RP1: variants seen among roughly 807,000 people sequenced by gnomAD.
RP1 encodes the protein RP1 axonemal microtubule associated, also known as oxygen-regulated protein 1.
Under a neutral mutation model 14.8 loss-of-function variants are expected in RP1, and 16 were observed. That is an observed-to-expected ratio of 1.08 (90% confidence interval 0.73 to 1.65). The LOEUF is 1.65. RP1 is among the 40% of genes most tolerant of loss of function. RP1 has a pLI of 0.00. For missense variants in RP1, 2,631 were observed against 2,535.0 expected, an observed-to-expected ratio of 1.04 and a Z score of -0.81; for synonymous variants, 876 against 883.6, an observed-to-expected ratio of 0.99 and a Z score of 0.15.
At chr8:54,574,345 C>T (rs926276021) in intron 1 of RP1, among the ~76,000 whole-genome samples, 1 of 152,222 alleles carries the variant, frequency 6.6e-6, no homozygotes, top group African/African-American at 2.4e-5. Context: ...AAGCCCATTC[C>T]ACGCATGGCT....
At chr8:54,662,628 C>T (rs1806926864) in intron 6 of RP1, among the ~76,000 whole-genome samples, 2 of 152,156 alleles carry the variant, frequency 1.3e-5, no homozygotes, top group Non-Finnish European at 2.9e-5. Context: ...CCCTTTCCTG[C>T]CTCCTGAACC....
chr8:54,704,558 T>C (rs183098801), intron 14 of RP1, among the ~76,000 whole-genome samples: 19 of 152,258 alleles, frequency 1.2e-4, no homozygotes, highest in African/African-American at 4.6e-4. Flanking sequence ...AGACATGAAG[T>C]GAACACATGC....
At chr8:54,742,904 C>CTT (rs1489062646) in intron 19 of RP1, among the ~76,000 whole-genome samples, 1 of 152,076 alleles carries the variant, frequency 6.6e-6, no homozygotes, top group African/African-American at 2.4e-5. Flanking sequence ...GAAAAAACAT[C>CTT]CCCAGCAGAA....
intron 1 of RP1, among the ~76,000 whole-genome samples, chr8:54,616,997 T>C (rs1458656687): frequency 6.6e-6 from 1 of 152,216 alleles, no homozygotes; most frequent in Non-Finnish European, 1.5e-5. Context: ...ATCTGCTTAA[T>C]ATTAAAGAGC....
chr8:54,609,569 C>A (rs562398391), intron 1 of RP1, among the ~76,000 whole-genome samples: 1 of 152,274 alleles, frequency 6.6e-6, no homozygotes, highest in East Asian at 1.9e-4. Context: ...TCAATGCCCC[C>A]CACAAGCCTA....
In RP1 at chr8:54,755,633, G is replaced by A. The variant is rs770008096; in HGVS notation, c.2956G>A (p.Val986Ile). The change falls in exon 21 of 23, where the codon GTT becomes ATT. Residue 986 changes from valine to isoleucine, a missense_variant. Val to Ile is a conservative substitution (Grantham distance 29). Coordinates refer to the RP1 transcript ENST00000636932. ...TGCTTTGCCAGTAGTGAGATACCAG[G>A]TTGACGTCTACACTGGGCAGCTGAA... 2.1e-5 allele frequency: 32 copies of A among 1,535,806 alleles called. No homozygotes were observed. The South Asian group carries it at 3.3e-4, about 16-fold the overall frequency.
At chr8:54,688,073 CT>C (rs1157293269) in intron 12 of RP1, among the ~76,000 whole-genome samples, 2 of 152,182 alleles carry the variant, frequency 1.3e-5, no homozygotes, top group Non-Finnish European at 2.9e-5. Context: ...TGATGATTAG[CT>C]TTTTTTCACA....
intron 27 of RP1, among the ~76,000 whole-genome samples, chr8:54,861,949 T>A (rs1812352274): frequency 6.6e-6 from 1 of 152,020 alleles, no homozygotes; most frequent in Non-Finnish European, 1.5e-5. Flanking sequence ...TCTAGGAGGG[T>A]GGTTCCCAAC....
chr8:54,701,357 A>T, intron 13 of RP1: 2 of 745,250 alleles, frequency 2.7e-6, no homozygotes, highest in Non-Finnish European at 3.8e-6. Flanking sequence ...TTTCAAAATC[A>T]TGAGATTTTA....
intron 1 of RP1, among the ~76,000 whole-genome samples, chr8:54,590,915 G>A (rs534022564): frequency 1.1e-4 from 17 of 152,160 alleles, no homozygotes; most frequent in South Asian, 6.2e-4. Context: ...AGCCTTCCCC[G>A]TATCAGTAAA....
chr8:54,784,731 G>A (rs114066347), intron 24 of RP1, among the ~76,000 whole-genome samples: 2 of 152,042 alleles, frequency 1.3e-5, no homozygotes, highest in South Asian at 4.2e-4. Flanking sequence ...CCCAAATCAT[G>A]TTATCTATTT....
chr8:54,766,494 ATGG>A (rs1489234213), intron 22 of RP1, among the ~76,000 whole-genome samples: 1 of 152,134 alleles, frequency 6.6e-6, no homozygotes, highest in Non-Finnish European at 1.5e-5. Context: ...ACAAGTAGTG[ATGG>A]TGGGAAACTG....
intron 8 of RP1, among the ~76,000 whole-genome samples, chr8:54,676,740 T>C (rs1163355858): frequency 6.6e-6 from 1 of 152,210 alleles, no homozygotes; most frequent in East Asian, 1.9e-4. Flanking sequence ...TATTTTTACG[T>C]TAATAATTTA....
At chr8:54,614,672 G>A (rs1384761598), upstream of RP1, among the ~76,000 whole-genome samples, 1 of 152,204 alleles carries the variant, frequency 6.6e-6, no homozygotes, top group Non-Finnish European at 1.5e-5. Flanking sequence ...TACGGGAGAT[G>A]CTCAGAAATG....
rs16920621 is a variant in RP1, at chr8:54,626,715, G to T, written c.2833G>T (p.Val945Leu). The stretch of plus-strand genomic sequence containing the variant: ...AGTATGTAGAAATGAAACGAGTGTG[G>T]TAAATTGTAGCAATAATAGTTTTTC... Reference protein sequence around the residue: ...APVCRNETSVVNCSNNSFSGN... With the variant: ...APVCRNETSVLNCSNNSFSGN... Residue 945 changes from valine to leucine, a missense_variant, in exon 4 of 4, where the codon GTA becomes TTA. Transcript: ENST00000220676. The T allele has an allele frequency of 2.2e-3, 3,545 of 1,613,928 alleles. 20 individuals carry two copies. The highest frequency in any genetic ancestry group is 0.016 in the African/African-American group (1,228 of 75,026).
intron 22 of RP1, among the ~76,000 whole-genome samples, chr8:54,762,344 G>A (rs1355443312): frequency 2.6e-5 from 4 of 152,122 alleles, no homozygotes; most frequent in Non-Finnish European, 4.4e-5. Flanking sequence ...GCAGAGCCGC[G>A]TGAGGAGACT....
chr8:54,720,197 A>C, exon 16 of RP1: 1 of 1,535,784 alleles, frequency 6.5e-7, no homozygotes. Flanking sequence ...TAAGCCTGGA[A>C]TCTACGAAGA....
At chr8:54,678,638 G>A in intron 9 of RP1, 1 of 876,542 alleles carries the variant, frequency 1.1e-6, no homozygotes, top group African/African-American at 1.7e-5. Flanking sequence ...TAGTCACTGA[G>A]TCTTTGTTGG....
chr8:54,711,180 T>C (rs1808286958), intron 15 of RP1, among the ~76,000 whole-genome samples: 1 of 152,164 alleles, frequency 6.6e-6, no homozygotes, highest in African/African-American at 2.4e-5. Context: ...TAATAGACAT[T>C]TGTAAAAATC....
Sources: allele counts gnomAD v4.1 joint callset (sites outside exome capture counted in the v4.1 genomes callset), GRCh38; gene constraint gnomAD v4.1.1; transcripts MANE v1.5; gene names NCBI Gene and HGNC (gene_info 2026-07-23, HGNC 2026-07-21).